The following HIP1 variants were observed in gnomAD, a reference collection of about 807,000 sequenced individuals.
HIP1 encodes the protein huntingtin interacting protein 1.
HIP1 carries 65 observed loss-of-function variants against 147.6 expected under a neutral mutation model. The observed-to-expected ratio is 0.44, with a 90% CI of 0.36 to 0.54. The LOEUF (loss-of-function observed/expected upper bound fraction) is 0.54, where lower values mean the gene tolerates loss of function less well. HIP1 is among the 20% of genes least tolerant of loss of function. HIP1 has a pLI of 0.00. For synonymous variants in HIP1, 479 were observed against 504.0 expected (o/e 0.95, Z 0.67); for missense variants, 1,061 against 1,299.6 (o/e 0.82, Z 2.82).
intron 1 of HIP1, among the ~76,000 whole-genome samples, chr7:75,637,230 A>G (rs1309693818): frequency 6.6e-6 from 1 of 152,202 alleles, no homozygotes; most frequent in Non-Finnish European, 1.5e-5. Context: ...AGCACTTGCT[A>G]TAGAAATTAT....
intron 1 of HIP1, among the ~76,000 whole-genome samples, chr7:75,677,847 C>A (rs1799947715): frequency 6.6e-6 from 1 of 151,848 alleles, no homozygotes; most frequent in Admixed American, 6.6e-5. Context: ...AACAAACAAA[C>A]AAAAAACCTC....
Position 75,546,992 on chromosome 7 carries a change from C to A in HIP1, c.2506G>T (p.Val836Leu), listed in dbSNP as rs782095837. ...CCTSLMQAIQVLIVASKDLQR... is the reference protein window; with the variant it reads ...CCTSLMQAIQLLIVASKDLQR... ...AGGTCCTTAGAGGCCACGATGAGCA[C>A]CTGAATAGCTTGCATGAGGCTGGTA... The change falls in exon 25 of 31, where the codon GTG becomes TTG. Residue 836 changes from valine to leucine, a missense_variant. By Grantham distance (32) the Val-to-Leu change is conservative (BLOSUM62 1). Coordinates refer to ENST00000336926, the MANE Select transcript of HIP1 (RefSeq NM_005338.7). The A allele has an allele frequency of 6.3e-7, 1 of 1,588,760 alleles. No homozygotes were observed. The highest frequency in any genetic ancestry group is 8.6e-7 in the Non-Finnish European group (1 of 1,166,698).
In HIP1 at chr7:75,651,460, CAAAAAAAAAAAA is replaced by C. The variant is rs1168846001; in HGVS notation, c.121-52225_121-52214del. On this transcript the variant is annotated intron_variant, in intron 1 of 30. Coordinates refer to ENST00000336926, the MANE Select transcript of HIP1 (RefSeq NM_005338.7). ...GGTTACAGAGTGAGACTCCATATCT[CAAAAAAAAAAAA>C]AAAAAAAAAAAAAAAAAAAGAAGGA... Among the ~76,000 whole-genome samples the C allele has an allele frequency of 2.7e-4, 12 of 44,130 alleles. No homozygotes were observed. The East Asian group carries it at 0.012, about 43-fold the overall frequency. 29.0% of individuals were successfully genotyped at this position (44,130 alleles called of 152,430 possible). A position where few individuals can be genotyped will look rare whatever the true frequency, so the allele number is the denominator to read the frequency against.
At position 75,738,849 on chromosome 7, in the gene HIP1, G is replaced by T; in HGVS notation, c.72C>A (p.Val24=). The T allele has an allele frequency of 6.3e-7, 1 of 1,591,236 alleles. No individual in the cohort carries two copies. Among genetic ancestry groups the T allele is most frequent in the Non-Finnish European group, 8.5e-7 (1 of 1,170,872 alleles). The change falls in exon 1 of 31, where the codon GTC becomes GTA. Residue 24 remains valine (V), a synonymous_variant. Coordinates refer to ENST00000336926, the MANE Select transcript of HIP1 (RefSeq NM_005338.7). ...PLPKVLSRRG[V]GAGLEAAERE... is the part of the protein sequence containing the mutation. ...GCTCCGCCGCCTCCAGCCCAGCGCC[G>T]ACCCCGCGCCGGCTCAGCACCTTGG...
At chr7:75,555,912 C>G in intron 18 of HIP1, 114 bp downstream of exon 18, 1 of 1,308,366 alleles carries the variant, frequency 7.6e-7, no homozygotes, top group Non-Finnish European at 1.1e-6. Flanking sequence ...ACAATCAGGC[C>G]AAGGCCCCAA....
chr7:75,690,288 A>G (rs1800403680), intron 1 of HIP1, among the ~76,000 whole-genome samples: 1 of 151,982 alleles, frequency 6.6e-6, no homozygotes, highest in Admixed American at 6.6e-5. Context: ...ACACACACAC[A>G]CACACAAAAG....
At position 75,537,891 on chromosome 7, in the gene HIP1, C is replaced by A. The variant is rs1456388701; in HGVS notation, c.*281G>T. ...CTCTCTGTTGAGTGGCCCTGCCCCC[C>A]ACCACCCCTCTTCGTACCTAGGCTT... On this transcript the variant is annotated 3_prime_UTR_variant, in exon 31 of 31. Coordinates refer to ENST00000336926, the MANE Select transcript of HIP1 (RefSeq NM_005338.7). The A allele has an allele frequency of 8.1e-6, 4 of 495,328 alleles. No individual in the cohort carries two copies. The highest frequency in any genetic ancestry group is 1.5e-5 in the Non-Finnish European group (4 of 272,090). The allele number at this position is 495,328 out of a possible 1,614,324, so 30.7% of individuals were successfully genotyped here.
intron 21 of HIP1, 138 bp downstream of exon 21, chr7:75,553,975 C>A (rs1794893497): frequency 3.2e-6 from 2 of 631,014 alleles, no homozygotes; most frequent in African/African-American, 1.8e-5. Flanking sequence ...GAACTCCCGA[C>A]CTCAAGTGAT....
chr7:75,721,650 G>A (rs1262371709), intron 1 of HIP1, among the ~76,000 whole-genome samples: 4 of 152,200 alleles, frequency 2.6e-5, no homozygotes, highest in Non-Finnish European at 4.4e-5. Flanking sequence ...CTGTGCAACT[G>A]TACCTGGGAG....
At chr7:75,616,521 C>T (rs1208638032) in intron 1 of HIP1, among the ~76,000 whole-genome samples, 3 of 151,600 alleles carry the variant, frequency 2.0e-5, no homozygotes, top group African/African-American at 7.3e-5. Context: ...GATCCTCCCA[C>T]CTTAGCCTCC....
intron 1 of HIP1, among the ~76,000 whole-genome samples, chr7:75,664,528 A>G (rs1006985566): frequency 6.6e-6 from 1 of 150,692 alleles, no homozygotes; most frequent in Non-Finnish European, 1.5e-5. Flanking sequence ...ATACGTATAC[A>G]TACATATATA....
rs375553442 is a variant in HIP1, at chr7:75,720,270, C to T, written c.120+18531G>A. 3.9e-4 allele frequency among the ~76,000 whole-genome samples: 60 copies of T among 152,266 alleles called. No homozygotes were observed. The South Asian group carries it at 6.4e-3, about 16-fold the overall frequency. On this transcript the variant is annotated intron_variant, in intron 1 of 30. Coordinates refer to ENST00000336926, the MANE Select transcript of HIP1 (RefSeq NM_005338.7). ...CCGCCTCCTGGGTTCAAGCGATTCT[C>T]GTGCCTCAGCCTCCCAAGTAGCTGG... is the stretch of plus-strand genomic sequence containing the variant.
chr7:75,623,341 C>A (rs1218582501), intron 1 of HIP1, among the ~76,000 whole-genome samples: 3 of 152,026 alleles, frequency 2.0e-5, no homozygotes, highest in African/African-American at 7.2e-5. Flanking sequence ...GAGAGGGCAG[C>A]CGCTGGGAGG....
chr7:75,700,984 C>T (rs1255532260), intron 1 of HIP1, among the ~76,000 whole-genome samples: 1 of 152,134 alleles, frequency 6.6e-6, no homozygotes, highest in South Asian at 2.1e-4. Context: ...GGACTACAGG[C>T]GTGAGCCACC....
chr7:75,706,487 T>A (rs139164393), intron 1 of HIP1, among the ~76,000 whole-genome samples: 2,725 of 148,214 alleles, frequency 0.018, 137 homozygotes, highest in African/African-American at 0.057. Flanking sequence ...TTTTTTATTT[T>A]TTTTTTATTT....
chr7:75,665,635 A>G (rs2285867), intron 1 of HIP1, among the ~76,000 whole-genome samples: 93,276 of 151,572 alleles, frequency 0.62, 29,374 homozygotes, highest in Middle Eastern at 0.74. Context: ...CACCTCCTGG[A>G]TTCAAGTGAT....
At chr7:75,680,041 G>GATTC (rs1364708689) in intron 1 of HIP1, among the ~76,000 whole-genome samples, 43 of 152,106 alleles carry the variant, frequency 2.8e-4, no homozygotes, top group Non-Finnish European at 5.1e-4. Flanking sequence ...TTGATTGATT[G>GATTC]ATTCATTCAT....
At chr7:75,566,401 T>TACGC (rs1795403250) in intron 9 of HIP1, among the ~76,000 whole-genome samples, 1 of 151,554 alleles carries the variant, frequency 6.6e-6, no homozygotes, top group Non-Finnish European at 1.5e-5. Flanking sequence ...GGCTACTCCA[T>TACGC]ACGCAGTGAG....
At chr7:75,560,001 C>G in intron 13 of HIP1, 86 bp from the exon 14 acceptor site, 4 of 1,304,928 alleles carry the variant, frequency 3.1e-6, no homozygotes, top group Non-Finnish European at 4.1e-6. Flanking sequence ...TACCATGCTT[C>G]CAAGTAAATA....
Sources: gnomAD v4.1 joint callset for allele counts (sites outside exome capture counted in the v4.1 genomes callset) on GRCh38, gnomAD v4.1.1 for gene constraint, MANE v1.5 for transcripts, NCBI Gene and HGNC (gene_info 2026-07-23, HGNC 2026-07-21) for gene names.